Variants in ASB15 observed in about 807,000 individuals in gnomAD.
ASB15 encodes the protein ankyrin repeat and SOCS box protein 15.
In ASB15, 54 loss-of-function variants were observed where a neutral mutation model predicts 58.0. The ratio of observed to expected loss-of-function variants is 0.93; its 90% CI spans 0.75 to 1.17. The LOEUF is 1.17. ASB15 is among the 50% of genes most tolerant of loss of function. The pLI, the probability that ASB15 is intolerant of heterozygous loss-of-function variation, is 0.00. For synonymous variants in ASB15, 249 were observed against 262.4 expected, an observed-to-expected ratio of 0.95 and a Z score of 0.50; for missense variants, 680 against 707.4, an observed-to-expected ratio of 0.96 and a Z score of 0.44.
At chr7:123,582,095 A>C (rs1032627388) in intron 1 of ASB15, among the ~76,000 whole-genome samples, 30 of 151,966 alleles carry the variant, frequency 2.0e-4, no homozygotes, top group African/African-American at 7.2e-4. Context: ...CAAAACAAGG[A>C]AAGGGAGGAG....
chr7:123,623,895 A>AAAAG (rs1281597982), intron 7 of ASB15, among the ~76,000 whole-genome samples: 14 of 119,696 alleles, frequency 1.2e-4, no homozygotes, highest in South Asian at 3.1e-4. Context: ...AAGAAGAAAG[A>AAAAG]AAGAATGGAA....
rs763292195 is a variant in ASB15, at chr7:123,627,112, G to A, written c.700G>A (p.Gly234Ser). The change falls in exon 9 of 12, where the codon GGT becomes AGT. Residue 234 changes from glycine to serine, a missense_variant and splice_region_variant. Physicochemically the swap from Gly to Ser is moderately conservative, Grantham distance 56 (BLOSUM62 0). Coordinates refer to ENST00000451215, the MANE Select transcript of ASB15 (RefSeq NM_001290258.2). ...DVLEHLIHKG[G>S]DVLALADDGA... The stretch of plus-strand genomic sequence containing the variant: ...TATGCCACGTTTTATACTGCCAGGT[G>A]GTGATGTGCTTGCTTTGGCGGATGA... The A allele has an allele frequency of 6.2e-7, 1 of 1,612,566 alleles. No homozygotes were observed. Among genetic ancestry groups the A allele is most frequent in the Admixed American group, 1.7e-5 (1 of 59,916 alleles).
chr7:123,623,585 G>T (rs1213193951), intron 7 of ASB15, among the ~76,000 whole-genome samples: 1 of 152,006 alleles, frequency 6.6e-6, no homozygotes, highest in East Asian at 1.9e-4. Flanking sequence ...AAGAAAGAGG[G>T]CCGGGCGTGG....
intron 3 of ASB15, chr7:123,612,305 T>C (rs888486877): frequency 6.6e-6 from 1 of 152,160 alleles, no homozygotes; most frequent in Non-Finnish European, 1.5e-5. Flanking sequence ...TTTGCAATAG[T>C]TGACAAGGAG....
chr7:123,584,672 A>G (rs1463377295), intron 1 of ASB15, among the ~76,000 whole-genome samples: 1 of 152,036 alleles, frequency 6.6e-6, no homozygotes, highest in Non-Finnish European at 1.5e-5. Context: ...AGCTGAATAA[A>G]AATAAATATA....
At chr7:123,575,085 T>C (rs1288419658) in intron 1 of ASB15, among the ~76,000 whole-genome samples, 1 of 151,752 alleles carries the variant, frequency 6.6e-6, no homozygotes, top group Admixed American at 6.6e-5. Flanking sequence ...TTGGTAGTTT[T>C]AAAAAATATC....
At chr7:123,604,956 G>A (rs7798658) in intron 2 of ASB15, among the ~76,000 whole-genome samples, 87,271 of 151,914 alleles carry the variant, frequency 0.57, 25,127 homozygotes, top group East Asian at 0.68. Flanking sequence ...CAGGCAGGTC[G>A]GCATTTGAAC....
intron 1 of ASB15, among the ~76,000 whole-genome samples, chr7:123,591,573 T>C (rs184423920): frequency 1.9e-3 from 291 of 152,304 alleles, no homozygotes; most frequent in African/African-American, 6.6e-3. Context: ...GTTTTTGTTG[T>C]TGGTTCTGTT....
upstream of ASB15, among the ~76,000 whole-genome samples, chr7:123,599,976 T>C (rs1799819632): frequency 1.3e-5 from 2 of 152,294 alleles, no homozygotes; most frequent in Admixed American, 6.5e-5. Context: ...CCAGCTTTCA[T>C]AGAGGCAAAT....
chr7:123,583,781 C>T (rs141964862), intron 1 of ASB15, among the ~76,000 whole-genome samples: 49 of 151,908 alleles, frequency 3.2e-4, no homozygotes, highest in Non-Finnish European at 5.6e-4. Flanking sequence ...TACTGAGAAG[C>T]AAAGTAGAGG....
chr7:123,613,870 T>G (rs1387540290), intron 3 of ASB15, among the ~76,000 whole-genome samples: 1 of 151,964 alleles, frequency 6.6e-6, no homozygotes, highest in African/African-American at 2.4e-5. Flanking sequence ...ATGGTGAAAC[T>G]CTGTCTCTAC....
chr7:123,568,846 AAATT>A (rs1798830223), intron 1 of ASB15, among the ~76,000 whole-genome samples: 1 of 152,206 alleles, frequency 6.6e-6, no homozygotes, highest in African/African-American at 2.4e-5. Flanking sequence ...TAGAATGAGA[AAATT>A]AAGTATAAAA....
chr7:123,600,788 T>C (rs1490433759), upstream of ASB15, among the ~76,000 whole-genome samples: 2 of 152,148 alleles, frequency 1.3e-5, no homozygotes, highest in East Asian at 1.9e-4. Flanking sequence ...ATTTTTGAAA[T>C]AAAACTGGCA....
intron 3 of ASB15, chr7:123,612,539 G>A (rs1254433319): frequency 1.3e-5 from 2 of 152,182 alleles, no homozygotes. Context: ...AGTTTATATA[G>A]GAGGAATGTC....
intron 7 of ASB15, 24 bp from the exon 8 acceptor site, chr7:123,624,545 T>G (rs749833044): frequency 6.3e-7 from 1 of 1,598,492 alleles, no homozygotes; most frequent in Non-Finnish European, 8.6e-7. Flanking sequence ...ATACTTACTG[T>G]TGTTTTTAAC....
chr7:123,572,847 T>A (rs1342277729), intron 1 of ASB15, among the ~76,000 whole-genome samples: 1 of 152,132 alleles, frequency 6.6e-6, no homozygotes, highest in Non-Finnish European at 1.5e-5. Flanking sequence ...AAATTTATTA[T>A]GCTTCTCTTT....
intron 11 of ASB15, among the ~76,000 whole-genome samples, chr7:123,630,927 A>C (rs1376525829): frequency 6.6e-6 from 1 of 152,162 alleles, no homozygotes; most frequent in African/African-American, 2.4e-5. Context: ...CTAAAACAGG[A>C]GTCTTGGAGA....
chr7:123,569,945 AT>A (rs1798861248), intron 1 of ASB15, among the ~76,000 whole-genome samples: 1 of 151,096 alleles, frequency 6.6e-6, no homozygotes, highest in Non-Finnish European at 1.5e-5. Context: ...TGTTATTATT[AT>A]GTTTTTGACT....
At chr7:123,574,066 T>C (rs1196524258) in intron 1 of ASB15, among the ~76,000 whole-genome samples, 1 of 152,206 alleles carries the variant, frequency 6.6e-6, no homozygotes, top group Non-Finnish European at 1.5e-5. Flanking sequence ...GTGATAGCAG[T>C]CTATTTCCAC....
Sources: gnomAD v4.1 joint callset for allele counts (sites outside exome capture counted in the v4.1 genomes callset) on GRCh38, gnomAD v4.1.1 for gene constraint, MANE v1.5 for transcripts, NCBI Gene and HGNC (gene_info 2026-07-23, HGNC 2026-07-21) for gene names.